Variants in STPG4 observed in about 807,000 individuals in gnomAD.
STPG4 encodes the protein protein STPG4.
STPG4 carries 41 observed loss-of-function variants against 31.5 expected under a neutral mutation model. The ratio of observed to expected loss-of-function variants is 1.30; its 90% CI spans 1.01 to 1.69. STPG4 has a LOEUF of 1.69. STPG4 is among the 40% of genes most tolerant of loss of function. The pLI, the probability that STPG4 is intolerant of heterozygous loss-of-function variation, is 0.00. For synonymous variants in STPG4, 141 were observed against 103.0 expected, an observed-to-expected ratio of 1.37 and a Z score of -2.24; for missense variants, 375 against 293.4, an observed-to-expected ratio of 1.28 and a Z score of -2.03.
chr2:47,125,473 G>C (rs181864328), intron 5 of STPG4, among the ~76,000 whole-genome samples: 2 of 152,270 alleles, frequency 1.3e-5, no homozygotes, highest in Non-Finnish European at 2.9e-5. Context: ...ATATATTCTG[G>C]TTATTAATCC....
At chr2:47,101,829 C>G (rs1685806896) in intron 5 of STPG4, among the ~76,000 whole-genome samples, 2 of 151,912 alleles carry the variant, frequency 1.3e-5, no homozygotes, top group Non-Finnish European at 2.9e-5. Context: ...CCTTCCCTCC[C>G]TCAGGGTATG....
At chr2:47,142,860 T>TTTTC (rs4035303) in intron 3 of STPG4, among the ~76,000 whole-genome samples, 1 of 146,356 alleles carries the variant, frequency 6.8e-6, no homozygotes, top group Non-Finnish European at 1.5e-5. Flanking sequence ...TTTTTTTTTT[T>TTTTC]GAGACAGAGT....
rs1348995104 is a variant in STPG4 at position 47,155,298 on chromosome 2, G to A, written c.-47C>T. ...GCTGAACCTGAGCTCCGGTTGCTAG[G>A]AGGCGGGTGTGGCCCGTGGGCTCCC... On this transcript the variant is annotated 5_prime_UTR_variant, in exon 1 of 7. Coordinates refer to ENST00000445927, the MANE Select transcript of STPG4 (RefSeq NM_001163561.2). 1.2e-6 allele frequency: 2 copies of A among 1,603,498 alleles called. No homozygotes were observed. The highest frequency in any genetic ancestry group is 1.7e-6 in the Non-Finnish European group (2 of 1,171,072).
intron 5 of STPG4, among the ~76,000 whole-genome samples, chr2:47,102,279 G>A (rs751791721): frequency 1.1e-4 from 16 of 151,908 alleles, no homozygotes; most frequent in Middle Eastern, 3.4e-3. Context: ...CCAAAACTGC[G>A]GGCGGTTTTG....
chr2:47,106,576 T>C (rs1269287752), intron 5 of STPG4, among the ~76,000 whole-genome samples: 1 of 151,952 alleles, frequency 6.6e-6, no homozygotes, highest in Admixed American at 6.5e-5. Context: ...CCAAAACCGC[T>C]GAGGCCTAGA....
At chr2:47,136,111 G>A (rs907134347) in intron 3 of STPG4, among the ~76,000 whole-genome samples, 10 of 151,958 alleles carry the variant, frequency 6.6e-5, no homozygotes, top group East Asian at 1.9e-4. Context: ...TCCTATCCAC[G>A]GGAAATCTCT....
intron 5 of STPG4, among the ~76,000 whole-genome samples, chr2:47,113,010 AAAAT>A (rs1255068488): frequency 3.5e-4 from 48 of 136,164 alleles, no homozygotes; most frequent in African/African-American, 1.2e-3. Flanking sequence ...AAAAAAAAAA[AAAAT>A]CACAAGTAAA....
intron 5 of STPG4, 94 bp from the exon 6 acceptor site, chr2:47,090,468 T>C (rs148206613): frequency 1.3e-6 from 1 of 791,658 alleles, no homozygotes; most frequent in South Asian, 1.6e-5. Context: ...TATGAATCAC[T>C]GTGATATAGT....
Position 47,151,433 on chromosome 2 carries a change from A to G in STPG4, c.224T>C (p.Phe75Ser), listed in dbSNP as rs556959565. ...TGGCTTTTTCCTTCCTTCGTTTTTA[A>G]AATTGTAGGTTGCTATCACTGGATT... ...LLNPVIATYN[F>S]KNEGRKKPPL... Residue 75 changes from phenylalanine to serine, a missense_variant, in exon 3 of 7, where the codon TTT becomes TCT. Coordinates refer to ENST00000445927, the MANE Select transcript of STPG4 (RefSeq NM_001163561.2). 116 of 1,614,154 alleles carry G rather than the reference A, an allele frequency of 7.2e-5. 1 individual carries two copies. In the South Asian group the frequency reaches 1.2e-3, roughly 17 times the overall value.
intron 3 of STPG4, among the ~76,000 whole-genome samples, chr2:47,141,250 T>A (rs887760987): frequency 6.6e-6 from 1 of 151,644 alleles, no homozygotes; most frequent in East Asian, 1.9e-4. Flanking sequence ...AAGCCTCTTG[T>A]GTCATATGGA....
At chr2:47,099,403 G>C (rs945325018) in intron 5 of STPG4, among the ~76,000 whole-genome samples, 34 of 152,372 alleles carry the variant, frequency 2.2e-4, no homozygotes, top group African/African-American at 7.9e-4. Flanking sequence ...TAAAGCCTCA[G>C]CACCGGCAGG....
In STPG4 at chr2:47,155,163, C is replaced by T; in HGVS notation, c.81+8G>A. Reference sequence around the variant, plus strand: ...GGAGCCAGGCCGGCAAGGGGCAGGCCATCTTACCGAAGCTGTGATGAATGA... The same window carrying T: ...GGAGCCAGGCCGGCAAGGGGCAGGCTATCTTACCGAAGCTGTGATGAATGA... On this transcript the variant is annotated splice_region_variant and intron_variant, in intron 1 of 6. Coordinates refer to ENST00000445927, the MANE Select transcript of STPG4 (RefSeq NM_001163561.2). 2 of 1,613,892 alleles carry T rather than the reference C, an allele frequency of 1.2e-6. No homozygotes were observed. The highest frequency in any genetic ancestry group is 1.7e-6 in the Non-Finnish European group (2 of 1,179,854).
chr2:47,132,206 G>T (rs1332970002), intron 3 of STPG4, among the ~76,000 whole-genome samples: 2 of 151,502 alleles, frequency 1.3e-5, no homozygotes, highest in Non-Finnish European at 2.9e-5. Flanking sequence ...GGAAGGTAGG[G>T]AAAGAAGGAA....
chr2:47,122,526 C>A (rs1404092394), intron 5 of STPG4, among the ~76,000 whole-genome samples: 2 of 151,910 alleles, frequency 1.3e-5, no homozygotes, highest in East Asian at 3.9e-4. Flanking sequence ...AATCTAACAC[C>A]TTTTCCAAGT....
chr2:47,110,691 A>G (rs184094907), intron 5 of STPG4, among the ~76,000 whole-genome samples: 3 of 152,358 alleles, frequency 2.0e-5, no homozygotes, highest in African/African-American at 7.2e-5. Context: ...CATAGCCATT[A>G]AAAGAATTTT....
intron 3 of STPG4, among the ~76,000 whole-genome samples, chr2:47,148,158 T>C (rs750836974): frequency 2.6e-5 from 4 of 152,068 alleles, no homozygotes; most frequent in Non-Finnish European, 5.9e-5. Flanking sequence ...GGTTTCACCA[T>C]GCTGTCTCGA....
chr2:47,091,979 T>A (rs1431313865), intron 5 of STPG4, among the ~76,000 whole-genome samples: 1 of 149,480 alleles, frequency 6.7e-6, no homozygotes, highest in African/African-American at 2.5e-5. Flanking sequence ...TTTATAGACG[T>A]AACAACTACT....
chr2:47,095,528 TTTC>T (rs965436082), intron 5 of STPG4, among the ~76,000 whole-genome samples: 1 of 152,180 alleles, frequency 6.6e-6, no homozygotes, highest in Non-Finnish European at 1.5e-5. Flanking sequence ...ACAACACATT[TTTC>T]TTGTACTGGG....
At chr2:47,107,699 G>A (rs1685945328) in intron 5 of STPG4, among the ~76,000 whole-genome samples, 1 of 152,164 alleles carries the variant, frequency 6.6e-6, no homozygotes, top group Admixed American at 6.5e-5. Flanking sequence ...AGCTCCACCT[G>A]CAGCCCTGGT....
Sources: gnomAD v4.1 joint callset for allele counts (sites outside exome capture counted in the v4.1 genomes callset) on GRCh38, gnomAD v4.1.1 for gene constraint, MANE v1.5 for transcripts, NCBI Gene and HGNC (gene_info 2026-07-23, HGNC 2026-07-21) for gene names.